The following BAIAP2L1 variants were observed in gnomAD, a reference collection of about 807,000 sequenced individuals.
BAIAP2L1 encodes BAR/IMD domain containing adaptor protein 2 like 1.
BAIAP2L1 carries 35 observed loss-of-function variants against 66.3 expected under a neutral mutation model. The ratio of observed to expected loss-of-function variants is 0.53; its 90% CI spans 0.40 to 0.70. The LOEUF is 0.70. Among genes scored for constraint, BAIAP2L1 ranks in the 30% least tolerant of loss-of-function variants. The pLI, the probability that BAIAP2L1 is intolerant of heterozygous loss-of-function variation, is 0.00. For synonymous variants in BAIAP2L1, 269 were observed against 248.7 expected (o/e 1.08, Z -0.77); for missense variants, 622 against 656.9 (o/e 0.95, Z 0.58).
intron 1 of BAIAP2L1, among the ~76,000 whole-genome samples, chr7:98,370,718 G>A (rs1196664191): frequency 6.7e-6 from 1 of 149,360 alleles, no homozygotes. Context: ...AGCCAGGATG[G>A]TCTCGATCTC....
chr7:98,383,850 G>C, intron 1 of BAIAP2L1, among the ~76,000 whole-genome samples: 1 of 152,082 alleles, frequency 6.6e-6, no homozygotes, highest in Non-Finnish European at 1.5e-5. Flanking sequence ...GAAACACAAA[G>C]ATGAATGAAG....
chr7:98,346,942 A>T (rs1453588142), intron 3 of BAIAP2L1, among the ~76,000 whole-genome samples: 1 of 152,198 alleles, frequency 6.6e-6, no homozygotes, highest in Admixed American at 6.6e-5. Flanking sequence ...TAATTGAGCC[A>T]AGTGGCTGTG....
In BAIAP2L1 at chr7:98,320,121, T is replaced by A; in HGVS notation, c.285A>T (p.Lys95Asn). ...LNESLDENFK[K>N]FHKEIIHELE... The stretch of plus-strand genomic sequence containing the variant: ...GCTCATGGATAATCTCTTTGTGGAA[T>A]TTTTTAAACTGTTAACAAAAGGAAA... The change falls in exon 5 of 14, where the codon AAA becomes AAT. Residue 95 changes from lysine (K) to asparagine (N), a missense_variant. By Grantham distance (94) the Lys-to-Asn change is moderately conservative. Coordinates refer to ENST00000005260, the MANE Select transcript of BAIAP2L1 (RefSeq NM_018842.5). The A allele has an allele frequency of 6.2e-7, 1 of 1,611,908 alleles. No homozygotes were observed.
At chr7:98,380,948 T>C (rs902035790) in intron 1 of BAIAP2L1, among the ~76,000 whole-genome samples, 1 of 151,898 alleles carries the variant, frequency 6.6e-6, no homozygotes, top group African/African-American at 2.4e-5. Context: ...CTAACTAGCC[T>C]GCCCACAGCA....
intron 5 of BAIAP2L1, among the ~76,000 whole-genome samples, chr7:98,317,743 G>T (rs4729432): frequency 2.7e-5 from 4 of 150,150 alleles, no homozygotes; most frequent in Admixed American, 1.3e-4. Context: ...TGTTGGCTGG[G>T]GACGCTCACC....
At chr7:98,365,668 C>T (rs1192861931) in intron 1 of BAIAP2L1, among the ~76,000 whole-genome samples, 2 of 152,050 alleles carry the variant, frequency 1.3e-5, no homozygotes. Flanking sequence ...TTGGTAGAGA[C>T]AGGGTTTTGC....
intron 2 of BAIAP2L1, among the ~76,000 whole-genome samples, chr7:98,359,195 T>C (rs1020830738): frequency 6.6e-6 from 1 of 152,020 alleles, no homozygotes; most frequent in Admixed American, 6.6e-5. Context: ...TGCACAGTGA[T>C]CTGACCCTAT....
At chr7:98,315,712 G>T in intron 6 of BAIAP2L1, 100 bp from the exon 7 acceptor site, 2 of 509,336 alleles carry the variant, frequency 3.9e-6, no homozygotes, top group Non-Finnish European at 5.8e-6. Flanking sequence ...CTTTACACCT[G>T]CTTTATTTGA....
intron 3 of BAIAP2L1, among the ~76,000 whole-genome samples, chr7:98,332,382 CAAAAAAAAA>C (rs55987839): frequency 7.1e-3 from 196 of 27,732 alleles, no homozygotes; most frequent in Non-Finnish European, 8.5e-3. Flanking sequence ...GACTCCATCT[CAAAAAAAAA>C]AAAAAAAAAA....
intron 8 of BAIAP2L1, among the ~76,000 whole-genome samples, chr7:98,311,850 G>T (rs1800885036): frequency 6.6e-6 from 1 of 152,126 alleles, no homozygotes; most frequent in Non-Finnish European, 1.5e-5. Context: ...AGGTTGCAGT[G>T]AGCCGAGATC....
At chr7:98,338,265 A>G (rs1050661745) in intron 3 of BAIAP2L1, among the ~76,000 whole-genome samples, 16 of 151,492 alleles carry the variant, frequency 1.1e-4, no homozygotes, top group African/African-American at 3.6e-4. Context: ...CTAAAAATAC[A>G]AAAAAAATTA....
intron 7 of BAIAP2L1, among the ~76,000 whole-genome samples, chr7:98,312,645 A>G (rs141251780): frequency 4.1e-4 from 62 of 152,282 alleles, no homozygotes; most frequent in African/African-American, 1.4e-3. Context: ...CACTCCTACT[A>G]AAAGCAGCAC....
intron 1 of BAIAP2L1, among the ~76,000 whole-genome samples, chr7:98,399,810 T>G (rs1484055191): frequency 6.6e-6 from 1 of 152,216 alleles, no homozygotes; most frequent in Non-Finnish European, 1.5e-5. Flanking sequence ...AGACCGGCTA[T>G]CAACGCATTC....
chr7:98,327,316 A>C (rs1196931598), intron 3 of BAIAP2L1, among the ~76,000 whole-genome samples: 1 of 150,456 alleles, frequency 6.6e-6, no homozygotes, highest in Admixed American at 6.6e-5. Context: ...AGCTGAGATC[A>C]TGCCACTGCA....
chr7:98,305,818 G>A (rs995999942), intron 11 of BAIAP2L1, among the ~76,000 whole-genome samples: 5 of 152,156 alleles, frequency 3.3e-5, no homozygotes, highest in Non-Finnish European at 7.3e-5. Context: ...CAGTCTCTAG[G>A]CAATAACTAC....
intron 3 of BAIAP2L1, among the ~76,000 whole-genome samples, chr7:98,352,721 C>G (rs1802026220): frequency 6.6e-6 from 1 of 152,168 alleles, no homozygotes. Flanking sequence ...ATACTTTCCT[C>G]ACTGAAATGA....
In BAIAP2L1 at chr7:98,306,437, ACCTTG is replaced by A; in HGVS notation, c.1238_1241+1del. On this transcript the variant is annotated splice_donor_variant and coding_sequence_variant, in exon 11 of 14. Coordinates refer to ENST00000005260, the MANE Select transcript of BAIAP2L1 (RefSeq NM_018842.5). LOFTEE classifies it high-confidence loss of function. ...GGAGAGCTCAGCCACGTTCAGGGCT[ACCTTG>A]GCGTGGGCACGGTCACTGCTTCTGT... 6.2e-7 allele frequency: 1 copy of A among 1,614,162 alleles called. No individual in the cohort carries two copies. The highest frequency in any genetic ancestry group is 2.2e-5 in the East Asian group (1 of 44,880).
rs1237658737 is a variant in BAIAP2L1, at chr7:98,292,246, AAC to A, written c.*1273_*1274del. The A allele has an allele frequency of 1.1e-4, 27 of 255,372 alleles. No homozygotes were observed. The highest frequency in any genetic ancestry group is 1.9e-4 in the Non-Finnish European group (24 of 128,732). The allele number at this position is 255,372 out of a possible 1,614,324, so 15.8% of individuals were successfully genotyped here. ...ATAAGTCACAGCCCCAGCACCCAGC[AAC>A]ACACACGGTGAGCGGCCGGGCTGGA... is the stretch of plus-strand genomic sequence containing the variant. On this transcript the variant is annotated 3_prime_UTR_variant, in exon 14 of 14. Coordinates refer to ENST00000005260, the MANE Select transcript of BAIAP2L1 (RefSeq NM_018842.5).
chr7:98,301,430 G>C (rs761436074), intron 12 of BAIAP2L1, among the ~76,000 whole-genome samples: 1 of 151,262 alleles, frequency 6.6e-6, no homozygotes, highest in Non-Finnish European at 1.5e-5. Context: ...GAAATGAAAG[G>C]CTGCTAAAAT....
Sources: gnomAD v4.1 joint callset for allele counts (sites outside exome capture counted in the v4.1 genomes callset) on GRCh38, gnomAD v4.1.1 for gene constraint, MANE v1.5 for transcripts, NCBI Gene and HGNC (gene_info 2026-07-23, HGNC 2026-07-21) for gene names.